The following USP15 variants were observed in gnomAD, a reference collection of about 807,000 sequenced individuals.
The protein encoded by USP15 is ubiquitin specific peptidase 15, also known as ubiquitin carboxyl-terminal hydrolase 15.
In USP15, 18 loss-of-function variants were observed where a neutral mutation model predicts 127.1. That is an observed-to-expected ratio of 0.14 (90% CI 0.10 to 0.21). The LOEUF (loss-of-function observed/expected upper bound fraction) is 0.21, where lower values mean the gene tolerates loss of function less well. Among genes scored for constraint, USP15 ranks in the 10% least tolerant of loss-of-function variants. The probability of loss-of-function intolerance (pLI) is 1.00; values close to 1 mark genes in which losing one functional copy is unlikely to be tolerated. For missense variants in USP15, 805 were observed against 1,159.9 expected (o/e 0.69, Z 4.44); for synonymous variants, 364 against 393.7 (o/e 0.92, Z 0.89).
intron 1 of USP15, among the ~76,000 whole-genome samples, chr12:62,273,386 A>T (rs2063392957): frequency 6.6e-6 from 1 of 151,964 alleles, no homozygotes; most frequent in Non-Finnish European, 1.5e-5. Context: ...GAACAAAGGG[A>T]CCTTGGCTGT....
chr12:62,397,611 C>T (rs558176813), intron 20 of USP15, among the ~76,000 whole-genome samples: 2 of 151,796 alleles, frequency 1.3e-5, no homozygotes, highest in South Asian at 2.1e-4. Flanking sequence ...GTGATCCCAA[C>T]ACTTTGGGAA....
intron 3 of USP15, among the ~76,000 whole-genome samples, chr12:62,306,891 C>A (rs1207311283): frequency 1.3e-5 from 2 of 151,982 alleles, no homozygotes; most frequent in African/African-American, 2.4e-5. Flanking sequence ...AGACAAAAGG[C>A]CCTATAAAGT....
chr12:62,306,169 C>T (rs2137212722), intron 3 of USP15: 1 of 152,282 alleles, frequency 6.6e-6, no homozygotes, highest in East Asian at 1.9e-4. Context: ...CAAATCAACC[C>T]AGTTAAGCTG....
In USP15 at chr12:62,287,759, AATATTTT is replaced by A. The variant is rs1297040990; in HGVS notation, c.90-6415_90-6409del. On this transcript the variant is annotated intron_variant, in intron 1 of 21. Coordinates refer to ENST00000280377, the MANE Select transcript of USP15 (RefSeq NM_001252078.2). ...GTTGTTGTTTTTCCACCTTGAGTTA[AATATTTT>A]ATATAGTGAGAAGTAGGGGCCCAGT... 2.6e-5 allele frequency among the ~76,000 whole-genome samples: 4 copies of A among 152,078 alleles called. No homozygotes were observed. The East Asian group carries it at 7.7e-4, about 29-fold the overall frequency.
Position 62,391,370 on chromosome 12 carries a change from A to G in USP15, c.2174A>G (p.Asn725Ser). 5 of 1,613,088 alleles carry G rather than the reference A, an allele frequency of 3.1e-6. No individual in the cohort carries two copies. The highest frequency in any genetic ancestry group is 4.2e-6 in the Non-Finnish European group (5 of 1,179,512). ...AACAACTTAGGCAATACTGATATCA[A>G]CTACATCAAAGATGATACCAGGCAT... The part of the protein sequence containing the change: ...QFNNLGNTDI[N>S]YIKDDTRHIR... Residue 725 changes from asparagine to serine, a missense_variant, in exon 16 of 22, where the codon AAC (asparagine) becomes AGC (serine). Physicochemically the swap from Asn to Ser is conservative, Grantham distance 46. Transcript: ENST00000280377.
At chr12:62,403,594 C>CA (rs1269367157) in intron 21 of USP15, among the ~76,000 whole-genome samples, 2 of 151,934 alleles carry the variant, frequency 1.3e-5, no homozygotes, top group African/African-American at 2.4e-5. Flanking sequence ...TGAGTATTGA[C>CA]AACTCTGTTT....
intron 6 of USP15, among the ~76,000 whole-genome samples, chr12:62,348,014 C>CT (rs1418032613): frequency 6.6e-6 from 1 of 151,978 alleles, no homozygotes; most frequent in African/African-American, 2.4e-5. Flanking sequence ...CTAGGCTGGG[C>CT]AATATGGTGA....
intron 21 of USP15, among the ~76,000 whole-genome samples, chr12:62,402,948 A>G (rs1255958765): frequency 6.6e-6 from 1 of 152,110 alleles, no homozygotes; most frequent in Non-Finnish European, 1.5e-5. Context: ...GATTTATGAG[A>G]TATTTACTGG....
chr12:62,335,868 T>A, intron 6 of USP15: 2 of 985,420 alleles, frequency 2.0e-6, no homozygotes, highest in Non-Finnish European at 2.4e-6. Context: ...CTAAAGAAAT[T>A]CTCTGAATTT....
chr12:62,304,676 C>G (rs1401330447), intron 3 of USP15: 1 of 451,038 alleles, frequency 2.2e-6, no homozygotes, highest in South Asian at 1.6e-5. Flanking sequence ...TTTATAGTGT[C>G]AACACTCAAA....
chr12:62,404,851 A>C lies in USP15; in HGVS notation c.*476A>C, dbSNP rs1458055359. Reference sequence around the variant, plus strand: ...TTTAGCTGCAGTATCAATGTGGCATAAATACTGCGGCAGCATTCTTCGAAA... The same window carrying C: ...TTTAGCTGCAGTATCAATGTGGCATCAATACTGCGGCAGCATTCTTCGAAA... On this transcript the variant is annotated 3_prime_UTR_variant, in exon 22 of 22. Transcript: ENST00000280377. 2 of 152,348 alleles carry C rather than the reference A, an allele frequency of 1.3e-5. No individual in the cohort carries two copies. The highest frequency in any genetic ancestry group is 4.8e-5 in the African/African-American group (2 of 41,448). The allele number at this position is 152,348 out of a possible 1,614,324, so 9.4% of individuals were successfully genotyped here. A position where few individuals can be genotyped will look rare whatever the true frequency, so the allele number is the denominator to read the frequency against.
chr12:62,281,968 G>A (rs2063661377), intron 1 of USP15, among the ~76,000 whole-genome samples: 1 of 152,092 alleles, frequency 6.6e-6, no homozygotes, highest in Non-Finnish European at 1.5e-5. Context: ...CTCAGTGGAT[G>A]CCTGAACCTG....
rs114501568 is a variant in USP15, at chr12:62,388,592, G to A, written c.1474-839G>A. ...AATTGGGAAATTCTCTTCAGCACAT[G>A]TGAACAGCTCTGAGAAAGTTTAGCA... On this transcript the variant is annotated intron_variant, in intron 11 of 21. Coordinates refer to ENST00000280377, the MANE Select transcript of USP15 (RefSeq NM_001252078.2). Among the ~76,000 whole-genome samples the A allele has an allele frequency of 3.9e-3, 587 of 152,324 alleles. 6 individuals are homozygous for A. Among genetic ancestry groups the A allele is most frequent in the African/African-American group, 0.014 (571 of 41,572 alleles).
chr12:62,324,002 C>CT lies in USP15; in HGVS notation c.622-1859dup, dbSNP rs139681009. On this transcript the variant is annotated intron_variant, in intron 5 of 21. Coordinates refer to ENST00000280377, the MANE Select transcript of USP15 (RefSeq NM_001252078.2). ...AAGTGACATAAACCCTCTCCTGGACCTTTTTTTTTTTAATACTTAGATTGA... is the reference window on the plus strand; with the variant it reads ...AAGTGACATAAACCCTCTCCTGGACCTTTTTTTTTTTTAATACTTAGATTGA... 8.3e-4 allele frequency among the ~76,000 whole-genome samples: 122 copies of CT among 147,062 alleles called. 1 individual carries two copies. The highest frequency in any genetic ancestry group is 3.5e-3 in the Middle Eastern group (1 of 286).
chr12:62,353,212 A>G (rs1398633777), intron 7 of USP15, among the ~76,000 whole-genome samples: 2 of 152,094 alleles, frequency 1.3e-5, no homozygotes, highest in African/African-American at 2.4e-5. Context: ...CATCTAGACT[A>G]TCTCAATCTT....
At chr12:62,390,074 A>T in intron 14 of USP15, 86 bp downstream of exon 14, 1 of 1,269,852 alleles carries the variant, frequency 7.9e-7, no homozygotes, top group Non-Finnish European at 1.0e-6. Context: ...ATAAGGTACT[A>T]TTGGAATATA....
intron 2 of USP15, among the ~76,000 whole-genome samples, chr12:62,297,136 T>G (rs1394832317): frequency 6.6e-6 from 1 of 152,216 alleles, no homozygotes; most frequent in Non-Finnish European, 1.5e-5. Flanking sequence ...GGGGCCAGTT[T>G]CTGTCATGCC....
chr12:62,269,321 A>AGT (rs1262480092), intron 1 of USP15, among the ~76,000 whole-genome samples: 1 of 151,982 alleles, frequency 6.6e-6, no homozygotes, highest in Non-Finnish European at 1.5e-5. Flanking sequence ...TACAATGGTA[A>AGT]GTATATATAT....
intron 6 of USP15, among the ~76,000 whole-genome samples, chr12:62,333,470 T>G (rs958378458): frequency 6.6e-6 from 1 of 152,026 alleles, no homozygotes; most frequent in African/African-American, 2.4e-5. Flanking sequence ...TTTGTTTTGT[T>G]TTGTTTTTAT....
Sources: gnomAD v4.1 joint callset for allele counts (sites outside exome capture counted in the v4.1 genomes callset) on GRCh38, gnomAD v4.1.1 for gene constraint, MANE v1.5 for transcripts, NCBI Gene and HGNC (gene_info 2026-07-23, HGNC 2026-07-21) for gene names.